Variants in HINT3 observed in about 807,000 individuals in gnomAD.
HINT3 encodes the protein adenosine 5'-monophosphoramidase HINT3.
A neutral mutation model predicts 19.1 loss-of-function variants in HINT3; 16 were observed. That is an observed-to-expected ratio of 0.84 (90% CI 0.57 to 1.27). The LOEUF (loss-of-function observed/expected upper bound fraction) is 1.27, where lower values mean the gene tolerates loss of function less well. HINT3 is among the 50% of genes most tolerant of loss of function. The pLI is 0.00. For synonymous variants in HINT3, 75 were observed against 84.8 expected, an observed-to-expected ratio of 0.88 and a Z score of 0.63; for missense variants, 197 against 225.8, an observed-to-expected ratio of 0.87 and a Z score of 0.82.
At chr6:125,971,376 A>G (rs1301789012) in intron 2 of HINT3, among the ~76,000 whole-genome samples, 6 of 152,224 alleles carry the variant, frequency 3.9e-5, no homozygotes, top group Non-Finnish European at 7.3e-5. Flanking sequence ...TAGTCCTCAT[A>G]TGATCAGATG....
intron 1 of HINT3, among the ~76,000 whole-genome samples, chr6:125,958,914 AT>A (rs1348058463): frequency 6.6e-6 from 1 of 152,222 alleles, no homozygotes; most frequent in Non-Finnish European, 1.5e-5. Flanking sequence ...TGATTTAGAT[AT>A]AAGAGGATAA....
At chr6:125,977,022 C>T (rs776707755) in intron 4 of HINT3, among the ~76,000 whole-genome samples, 13 of 152,286 alleles carry the variant, frequency 8.5e-5, no homozygotes, top group Admixed American at 1.3e-4. Flanking sequence ...TCCTACACCA[C>T]GGTGGTATAT....
chr6:125,964,930 A>G (rs1788998594), intron 1 of HINT3, among the ~76,000 whole-genome samples: 1 of 152,160 alleles, frequency 6.6e-6, no homozygotes, highest in African/African-American at 2.4e-5. Context: ...ATGGAAATCT[A>G]ATTTAGTCAG....
chr6:125,973,063 A>C (rs1789130223), intron 3 of HINT3, among the ~76,000 whole-genome samples: 2 of 103,380 alleles, frequency 1.9e-5, no homozygotes, highest in African/African-American at 4.3e-5. Context: ...TCAATTTTTC[A>C]ACTTTTTTTT....
intron 1 of HINT3, among the ~76,000 whole-genome samples, chr6:125,960,668 A>AGG (rs1788910719): frequency 4.7e-5 from 2 of 42,308 alleles, no homozygotes; most frequent in African/African-American, 8.6e-5. Flanking sequence ...GGGGGGGGAA[A>AGG]AAAAAAGAAG....
intron 1 of HINT3, among the ~76,000 whole-genome samples, chr6:125,962,324 TATATATCA>T (rs1788957566): frequency 7.4e-6 from 1 of 134,458 alleles, no homozygotes; most frequent in Non-Finnish European, 1.5e-5. Flanking sequence ...TATATATATA[TATATATCA>T]CACACACATA....
chr6:125,962,115 G>C (rs1788933723), intron 1 of HINT3, among the ~76,000 whole-genome samples: 1 of 146,192 alleles, frequency 6.8e-6, no homozygotes, highest in Non-Finnish European at 1.5e-5. Context: ...CAAGGGCATT[G>C]GGAGTTATAA....
chr6:125,968,718 GA>G (rs1311248968), intron 2 of HINT3, among the ~76,000 whole-genome samples: 1 of 152,080 alleles, frequency 6.6e-6, no homozygotes, highest in African/African-American at 2.4e-5. Context: ...GATTGGTGTT[GA>G]AATAGTATCT....
In HINT3 at chr6:125,956,808, T is replaced by C; in HGVS notation, c.-170T>C. 1.4e-6 allele frequency: 1 copy of C among 732,870 alleles called. No individual in the cohort carries two copies. The highest frequency in any genetic ancestry group is 2.2e-6 in the Non-Finnish European group (1 of 459,464). The allele number at this position is 732,870 out of a possible 1,614,324, so 45.4% of individuals were successfully genotyped here. A position where few individuals can be genotyped will look rare whatever the true frequency, so the allele number is the denominator to read the frequency against. On this transcript the variant is annotated 5_prime_UTR_variant, in exon 1 of 5. Transcript: ENST00000229633. ...CGGTTTTGAGGCCGGCCTCCGGCTT[T>C]GAAGTTCCTCACCGCGTCTCCTTCC...
intron 1 of HINT3, among the ~76,000 whole-genome samples, chr6:125,960,671 A>AGGGGGGGGGG (rs1562211533): frequency 5.4e-5 from 5 of 92,514 alleles, no homozygotes; most frequent in East Asian, 5.3e-4. Flanking sequence ...GGGGGAAAAA[A>AGGGGGGGGGG]AAAGAAGTTA....
At chr6:125,975,580 A>AG (rs1554210593) in intron 4 of HINT3, among the ~76,000 whole-genome samples, 1 of 82,596 alleles carries the variant, frequency 1.2e-5, no homozygotes, top group African/African-American at 6.0e-5. Context: ...GTGGCTGAAG[A>AG]GTTGTTTTTT....
At chr6:125,960,817 A>G (rs994003258) in intron 1 of HINT3, among the ~76,000 whole-genome samples, 10 of 152,218 alleles carry the variant, frequency 6.6e-5, no homozygotes, top group Middle Eastern at 3.2e-3. Context: ...ACTGACCCAT[A>G]GAGTCAGAAG....
Position 125,979,267 on chromosome 6 carries a change from ATTTAGAGAGATT to A in HINT3, c.*1595_*1606del, listed in dbSNP as rs1035077893. The A allele has an allele frequency of 3.9e-5, 6 of 152,290 alleles. No homozygotes were observed. Among genetic ancestry groups the A allele is most frequent in the African/African-American group, 1.4e-4 (6 of 41,558 alleles). The allele number at this position is 152,290 out of a possible 1,614,324, so 9.4% of individuals were successfully genotyped here. A position where few individuals can be genotyped will look rare whatever the true frequency, so the allele number is the denominator to read the frequency against. On this transcript the variant is annotated 3_prime_UTR_variant, in exon 5 of 5. Coordinates refer to ENST00000229633, the MANE Select transcript of HINT3 (RefSeq NM_138571.5). ...AGGGGTTATGGGCTCTCAAAAGTAG[ATTTAGAGAGATT>A]TTTTTATCACTGTTTTATGATATAG... is the stretch of plus-strand genomic sequence containing the variant.
chr6:125,980,194 A>G lies in HINT3; in HGVS notation c.*2518A>G, dbSNP rs967086796. ...TATTTGTGGAACTGTTTAATGAGCT[A>G]TTTCAAACTGCTAGAAGAAAATGAA... On this transcript the variant is annotated 3_prime_UTR_variant, in exon 5 of 5. Transcript: ENST00000229633. 12 of 152,242 alleles carry G rather than the reference A, an allele frequency of 7.9e-5. No homozygotes were observed. Among genetic ancestry groups the G allele is most frequent in the African/African-American group, 2.7e-4 (11 of 41,462 alleles). 9.4% of individuals were successfully genotyped at this position (152,242 alleles called of 1,614,324 possible).
chr6:125,972,652 T>G (rs1789118284), intron 3 of HINT3, among the ~76,000 whole-genome samples: 2 of 152,052 alleles, frequency 1.3e-5, no homozygotes, highest in African/African-American at 4.8e-5. Flanking sequence ...TGCAGTGGTG[T>G]GATCATGGCT....
chr6:125,964,001 CATTT>C (rs1174664568), intron 1 of HINT3, among the ~76,000 whole-genome samples: 5 of 152,148 alleles, frequency 3.3e-5, no homozygotes, highest in Admixed American at 6.6e-5. Flanking sequence ...AAGCATCTGT[CATTT>C]ATTTATTCAG....
chr6:125,967,052 A>G (rs181029766), intron 2 of HINT3, 48 bp downstream of exon 2: 174 of 1,153,764 alleles, frequency 1.5e-4, no homozygotes, highest in East Asian at 7.2e-5. Context: ...TTCAGTTGGT[A>G]TCAGTGATGG....
chr6:125,969,219 A>G (rs959381836), intron 2 of HINT3, among the ~76,000 whole-genome samples: 7 of 152,214 alleles, frequency 4.6e-5, no homozygotes, highest in African/African-American at 1.4e-4. Flanking sequence ...ATTCTTCTCC[A>G]TATAGATAAC....
Position 125,972,333 on chromosome 6 carries a change from G to A in HINT3, c.389+5G>A, listed in dbSNP as rs370489985. On this transcript the variant is annotated splice_donor_5th_base_variant and intron_variant, in intron 3 of 4. Coordinates refer to ENST00000229633, the MANE Select transcript of HINT3 (RefSeq NM_138571.5). ...CACTGACTTCACGAATGTGAGGTGT[G>A]TATACTTCCAGATGGAAACCAATAT... 9.6e-5 allele frequency: 146 copies of A among 1,521,602 alleles called. No homozygotes were observed. Among genetic ancestry groups the A allele is most frequent in the Non-Finnish European group, 1.3e-4 (144 of 1,131,394 alleles). 94.3% of individuals were successfully genotyped at this position (1,521,602 alleles called of 1,614,324 possible).
Sources: allele counts gnomAD v4.1 joint callset (sites outside exome capture counted in the v4.1 genomes callset), GRCh38; gene constraint gnomAD v4.1.1; transcripts MANE v1.5; gene names NCBI Gene and HGNC (gene_info 2026-07-23, HGNC 2026-07-21).